The following LARS1 variants were observed in gnomAD, a reference collection of about 807,000 sequenced individuals.
The protein encoded by LARS1 is leucine--tRNA ligase, cytoplasmic.
LARS1 carries 100 observed loss-of-function variants against 162.8 expected under a neutral mutation model. That is an observed-to-expected ratio of 0.61 (90% CI 0.52 to 0.73). The LOEUF (loss-of-function observed/expected upper bound fraction) is 0.73, where lower values mean the gene tolerates loss of function less well. Among genes scored for constraint, LARS1 ranks in the 30% least tolerant of loss-of-function variants. LARS1 has a pLI of 0.00. For synonymous variants in LARS1, 457 were observed against 462.8 expected (o/e 0.99, Z 0.16); for missense variants, 1,258 against 1,408.9 (o/e 0.89, Z 1.71).
chr5:146,114,531 C>G, intron 31 of LARS1, among the ~76,000 whole-genome samples: 1 of 151,702 alleles, frequency 6.6e-6, no homozygotes, highest in Non-Finnish European at 1.5e-5. Context: ...GACAGGAGTT[C>G]GAGACTAGCC....
intron 22 of LARS1, among the ~76,000 whole-genome samples, chr5:146,134,935 C>CAGTTAAT (rs1343079524): frequency 6.6e-6 from 1 of 152,202 alleles, no homozygotes; most frequent in Non-Finnish European, 1.5e-5. Flanking sequence ...GGTGACAGAG[C>CAGTTAAT]AAGACTCTGT....
In LARS1 at chr5:146,114,123, T is replaced by C. The variant is rs1349105702; in HGVS notation, c.3514A>G (p.Ile1172Val). The C allele has an allele frequency of 1.9e-6, 3 of 1,613,068 alleles. No homozygotes were observed. The South Asian group carries it at 3.3e-5, about 18-fold the overall frequency. The part of the protein sequence containing the change: ...GIRVDIGDTI[I>V]YLVH ...GCATGAGTTTAATGAACCAGATAGA[T>C]TATTGTATCGCCAATATCCACCCTT... Residue 1172 changes from isoleucine (I) to valine (V), a missense_variant, in exon 32 of 32, where the codon ATC (isoleucine) becomes GTC (valine). Physicochemically the swap from Ile to Val is conservative, Grantham distance 29. Coordinates refer to ENST00000394434, the MANE Select transcript of LARS1 (RefSeq NM_020117.11).
rs771107824 is a variant in LARS1 at position 146,142,869 on chromosome 5, C to T, written c.2090+3G>A. 3 of 1,608,648 alleles carry T rather than the reference C, an allele frequency of 1.9e-6. No homozygotes were observed. Among genetic ancestry groups the T allele is most frequent in the Non-Finnish European group, 2.6e-6 (3 of 1,175,796 alleles). ...TCTAGTCCACACCTATTTTATCATT[C>T]ACCTTTGTTCCGGCCACATAGCCAC... On this transcript the variant is annotated splice_donor_region_variant and intron_variant, in intron 20 of 31. Coordinates refer to ENST00000394434, the MANE Select transcript of LARS1 (RefSeq NM_020117.11).
chr5:146,121,297 C>T (rs1406329430), intron 30 of LARS1, among the ~76,000 whole-genome samples: 2 of 152,040 alleles, frequency 1.3e-5, no homozygotes, highest in Non-Finnish European at 2.9e-5. Context: ...AAAAACATAT[C>T]TAAGTCCTCT....
intron 13 of LARS1, among the ~76,000 whole-genome samples, chr5:146,152,788 G>A (rs1753352959): frequency 6.6e-6 from 1 of 151,408 alleles, no homozygotes; most frequent in African/African-American, 2.4e-5. Context: ...ATACTAACAT[G>A]AAAATACAAG....
chr5:146,125,071 G>A (rs1226998679), intron 28 of LARS1, among the ~76,000 whole-genome samples: 2 of 151,322 alleles, frequency 1.3e-5, no homozygotes, highest in Non-Finnish European at 3.0e-5. Flanking sequence ...TTTCAAATAG[G>A]TTTCCCTGGA....
chr5:146,126,182 T>G (rs1752033176), intron 28 of LARS1, among the ~76,000 whole-genome samples: 1 of 151,992 alleles, frequency 6.6e-6, no homozygotes, highest in African/African-American at 2.4e-5. Context: ...GAAGGGAAGG[T>G]AGAATATGAA....
chr5:146,135,714 A>T, intron 21 of LARS1, 50 bp from the exon 22 acceptor site: 1 of 1,322,902 alleles, frequency 7.6e-7, no homozygotes, highest in South Asian at 1.4e-5. Context: ...ATATAAATAA[A>T]CCAAATGAGC....
chr5:146,181,869 T>C (rs1251837257), intron 1 of LARS1, among the ~76,000 whole-genome samples: 2 of 130,708 alleles, frequency 1.5e-5, no homozygotes, highest in African/African-American at 3.0e-5. Context: ...TTTTTTTTTT[T>C]TTTTTTTTTT....
intron 10 of LARS1, 67 bp from the exon 11 acceptor site, chr5:146,154,047 G>T: frequency 8.7e-7 from 1 of 1,143,604 alleles, no homozygotes; most frequent in Non-Finnish European, 1.3e-6. Flanking sequence ...TTAAAACTAT[G>T]TTAATATTTT....
intron 25 of LARS1, 111 bp downstream of exon 25, chr5:146,129,906 CT>C: frequency 9.0e-7 from 1 of 1,112,036 alleles, no homozygotes; most frequent in African/African-American, 1.6e-5. Flanking sequence ...CAGCATTACT[CT>C]TGAATTACTC....
In LARS1 at chr5:146,128,740, T is replaced by A; in HGVS notation, c.2812A>T (p.Ile938Phe). ...GGTGGATAGTTCTTTGCCACATAGA[T>A]GGTGCAATGTGAGGGCTTCTGCAGG... The part of the protein sequence containing the change: ...QPLQKPSHCT[I>F]YVAKNYPPWQ... Residue 938 changes from isoleucine (I) to phenylalanine (F), a missense_variant, in exon 27 of 32, where the codon ATC becomes TTC. By Grantham distance (21) the Ile-to-Phe change is conservative. Coordinates refer to ENST00000394434, the MANE Select transcript of LARS1 (RefSeq NM_020117.11). The A allele has an allele frequency of 6.2e-7, 1 of 1,601,446 alleles. No individual in the cohort carries two copies. Among genetic ancestry groups the A allele is most frequent in the Non-Finnish European group, 8.5e-7 (1 of 1,176,774 alleles).
rs1335864075 is a variant in LARS1, at chr5:146,128,801, G to A, written c.2770-19C>T. On this transcript the variant is annotated intron_variant, in intron 26 of 31. Transcript: ENST00000394434. ...CAGTCTTCTAGACGGTAAAAGAAAGGAAAAACATTCAATAGCTTTTATATA... is the reference window on the plus strand; with the variant it reads ...CAGTCTTCTAGACGGTAAAAGAAAGAAAAAACATTCAATAGCTTTTATATA... 2 of 1,585,298 alleles carry A rather than the reference G, an allele frequency of 1.3e-6. No homozygotes were observed. The highest frequency in any genetic ancestry group is 1.7e-6 in the Non-Finnish European group (2 of 1,164,768).
chr5:146,136,999 T>A (rs1471133794), intron 21 of LARS1, among the ~76,000 whole-genome samples: 1 of 151,958 alleles, frequency 6.6e-6, no homozygotes, highest in Non-Finnish European at 1.5e-5. Context: ...CCTCTCGGGT[T>A]CAAGCGATTC....
intron 27 of LARS1, among the ~76,000 whole-genome samples, chr5:146,127,455 C>A (rs1429299796): frequency 6.6e-6 from 1 of 152,018 alleles, no homozygotes; most frequent in African/African-American, 2.4e-5. Context: ...ATCTAAAAGA[C>A]AGCTGCTAAT....
intron 3 of LARS1, 89 bp from the exon 4 acceptor site, chr5:146,172,079 T>C: frequency 2.7e-6 from 3 of 1,126,660 alleles, no homozygotes; most frequent in Non-Finnish European, 3.9e-6. Flanking sequence ...ATTAGTTTTC[T>C]TCTTTACATC....
Position 146,151,869 on chromosome 5 carries a change from T to C in LARS1, c.1418A>G (p.Tyr473Cys), listed in dbSNP as rs1395649146. ...AKEKIYLKGF[Y>C]EGIMLVDGFK... ...AAAAAAATTATTACTTACACCCTCA[T>C]AAAATCCTTTTAGATATATCTTCTC... Residue 473 changes from tyrosine to cysteine, a missense_variant, in exon 14 of 32, where the codon TAT (tyrosine) becomes TGT (cysteine). Tyr to Cys is a radical substitution (Grantham distance 194). Coordinates refer to ENST00000394434, the MANE Select transcript of LARS1 (RefSeq NM_020117.11). 4 of 1,613,536 alleles carry C rather than the reference T, an allele frequency of 2.5e-6. No homozygotes were observed. The highest frequency in any genetic ancestry group is 3.4e-6 in the Non-Finnish European group (4 of 1,179,716).
Position 146,151,842 on chromosome 5 carries a change from T to A in LARS1, c.1425+20A>T, listed in dbSNP as rs1561817528. 6.3e-7 allele frequency: 1 copy of A among 1,598,614 alleles called. No individual in the cohort carries two copies. The highest frequency in any genetic ancestry group is 8.5e-7 in the Non-Finnish European group (1 of 1,170,908). ...AGCATGGAGTAAAGCAAATAAAAAC[T>A]AAAAAAAATTATTACTTACACCCTC... is the stretch of plus-strand genomic sequence containing the variant. On this transcript the variant is annotated intron_variant, in intron 14 of 31. Transcript: ENST00000394434.
intron 6 of LARS1, among the ~76,000 whole-genome samples, chr5:146,161,753 C>CA (rs202231403): frequency 0.029 from 3,772 of 130,194 alleles, 151 homozygotes; most frequent in African/African-American, 0.098. Context: ...AACTCCATCT[C>CA]AAAAAAAAAA....
Sources: allele counts gnomAD v4.1 joint callset (sites outside exome capture counted in the v4.1 genomes callset), GRCh38; gene constraint gnomAD v4.1.1; transcripts MANE v1.5; gene names NCBI Gene and HGNC (gene_info 2026-07-23, HGNC 2026-07-21).